Variants in PRKD3 observed in about 807,000 individuals in gnomAD.
PRKD3 encodes the protein protein kinase D3, also known as serine/threonine-protein kinase D3.
PRKD3 carries 47 observed loss-of-function variants against 99.2 expected under a neutral mutation model. The ratio of observed to expected loss-of-function variants is 0.47; its 90% CI spans 0.38 to 0.60. PRKD3 has a LOEUF of 0.60. PRKD3 is among the 20% of genes least tolerant of loss of function. The probability of loss-of-function intolerance (pLI) is 0.00; values close to 1 mark genes in which losing one functional copy is unlikely to be tolerated. For synonymous variants in PRKD3, 392 were observed against 355.4 expected (o/e 1.10, Z -1.16); for missense variants, 1,019 against 1,088.4 (o/e 0.94, Z 0.90).
Position 37,293,261 on chromosome 2 carries a change from C to G in PRKD3, c.299G>C (p.Cys100Ser), listed in dbSNP as rs558859862. The G allele has an allele frequency of 2.0e-4, 318 of 1,595,006 alleles. 3 individuals carry two copies. The South Asian group carries it at 3.4e-3, about 17-fold the overall frequency. Reference sequence around the variant, plus strand: ...TTTGTCATACATGCCAAAGAATCCACACTCTGGAAACTGAGGGATAATAGT... The same window carrying G: ...TTTGTCATACATGCCAAAGAATCCAGACTCTGGAAACTGAGGGATAATAGT... ...CSIVYQKFPE[C>S]GFFGMYDKIL... Residue 100 changes from cysteine (C) to serine (S), a missense_variant, in exon 3 of 19, where the codon TGT (cysteine) becomes TCT (serine). Transcript: ENST00000234179.
chr2:37,279,979 C>A, intron 7 of PRKD3, 50 bp from the exon 8 acceptor site: 1 of 1,293,114 alleles, frequency 7.7e-7, no homozygotes, highest in Non-Finnish European at 1.1e-6. Flanking sequence ...TAGAGGAAGT[C>A]CATTAAATGT....
chr2:37,258,588 CTT>C (rs1187891612), intron 16 of PRKD3, among the ~76,000 whole-genome samples: 7 of 152,272 alleles, frequency 4.6e-5, no homozygotes, highest in African/African-American at 1.7e-4. Flanking sequence ...GAGTGTGCAT[CTT>C]TTGTCTACTA....
intron 2 of PRKD3, among the ~76,000 whole-genome samples, chr2:37,308,003 T>C (rs1198105739): frequency 6.6e-6 from 1 of 152,246 alleles, no homozygotes; most frequent in Non-Finnish European, 1.5e-5. Context: ...TCCCCCATAC[T>C]GCGAACGCCA....
At chr2:37,259,757 A>G in intron 15 of PRKD3, 76 bp from the exon 16 acceptor site, 1 of 1,044,536 alleles carries the variant, frequency 9.6e-7, no homozygotes, top group South Asian at 1.4e-5. Flanking sequence ...TGAATGATTT[A>G]ATTTGAAAAC....
intron 12 of PRKD3, among the ~76,000 whole-genome samples, chr2:37,271,038 A>G (rs920037983): frequency 2.0e-5 from 3 of 152,222 alleles, no homozygotes; most frequent in Admixed American, 6.5e-5. Context: ...AGACTCATAG[A>G]TTATATCTCT....
chr2:37,300,208 A>G (rs993718802), intron 2 of PRKD3, among the ~76,000 whole-genome samples: 1 of 152,238 alleles, frequency 6.6e-6, no homozygotes, highest in African/African-American at 2.4e-5. Flanking sequence ...ATGAAATCCT[A>G]TAATTTGCAA....
rs1035883830 is a variant in PRKD3 at position 37,287,266 on chromosome 2, A to G, written c.718-897T>C. 1.4e-4 allele frequency among the ~76,000 whole-genome samples: 18 copies of G among 125,022 alleles called. 1 individual carries two copies. Among genetic ancestry groups the G allele is most frequent in the African/African-American group, 6.1e-4 (17 of 27,648 alleles). The allele number at this position is 125,022 out of a possible 152,430, so 82.0% of individuals were successfully genotyped here. A position where few individuals can be genotyped will look rare whatever the true frequency, so the allele number is the denominator to read the frequency against. ...AAAAAAAAAAAAAAAAAAAAAAAAA[A>G]AGAAAAAGAAAAAGAAAAAGAAAAA... On this transcript the variant is annotated intron_variant, in intron 5 of 18. Transcript: ENST00000234179.
At chr2:37,299,154 CTGAA>C (rs1176077035) in intron 2 of PRKD3, among the ~76,000 whole-genome samples, 1 of 152,036 alleles carries the variant, frequency 6.6e-6, no homozygotes, top group Non-Finnish European at 1.5e-5. Context: ...TTGAATTTTA[CTGAA>C]TGTTTTTTTG....
intron 2 of PRKD3, among the ~76,000 whole-genome samples, chr2:37,304,544 C>T (rs1671074340): frequency 6.6e-6 from 1 of 151,968 alleles, no homozygotes; most frequent in South Asian, 2.1e-4. Flanking sequence ...AGTTTGAGAC[C>T]AGCCTGGCCA....
At chr2:37,311,116 G>C (rs139073738) in intron 2 of PRKD3, among the ~76,000 whole-genome samples, 25 of 152,294 alleles carry the variant, frequency 1.6e-4, no homozygotes, top group African/African-American at 5.8e-4. Context: ...AGACTAGTGA[G>C]GATGTTAAAG....
At chr2:37,262,406 G>C (rs924114024) in intron 14 of PRKD3, among the ~76,000 whole-genome samples, 1 of 152,122 alleles carries the variant, frequency 6.6e-6, no homozygotes, top group Non-Finnish European at 1.5e-5. Context: ...ATCATAGTAG[G>C]TGTTTTCAAA....
At chr2:37,307,707 G>A (rs6733861) in intron 2 of PRKD3, among the ~76,000 whole-genome samples, 6,785 of 152,190 alleles carry the variant, frequency 0.045, 165 homozygotes, top group African/African-American at 0.051. Context: ...AGGAAGCTAA[G>A]TTTTGGCTTA....
At chr2:37,262,862 T>C (rs1345377838) in intron 14 of PRKD3, among the ~76,000 whole-genome samples, 1 of 152,102 alleles carries the variant, frequency 6.6e-6, no homozygotes, top group Non-Finnish European at 1.5e-5. Flanking sequence ...CAAATTTATC[T>C]GATAGAGATG....
In PRKD3 at chr2:37,313,854, C is replaced by T. The variant is rs192867210; in HGVS notation, c.288+2383G>A. On this transcript the variant is annotated intron_variant, in intron 2 of 18. Coordinates refer to ENST00000234179, the MANE Select transcript of PRKD3 (RefSeq NM_005813.6). ...TGAAAATATCATATATCAGAACACACCTTCAACTTAATATTTTCAACTTGC... is the reference window on the plus strand; with the variant it reads ...TGAAAATATCATATATCAGAACACATCTTCAACTTAATATTTTCAACTTGC... Among the ~76,000 whole-genome samples the T allele has an allele frequency of 1.4e-3, 218 of 152,252 alleles. 1 individual carries two copies. The highest frequency in any genetic ancestry group is 4.9e-3 in the African/African-American group (203 of 41,572).
chr2:37,297,224 T>C (rs867565565), intron 2 of PRKD3, among the ~76,000 whole-genome samples: 1 of 152,190 alleles, frequency 6.6e-6, no homozygotes, highest in Non-Finnish European at 1.5e-5. Flanking sequence ...TAGGCTATCA[T>C]TTCAGGTTTA....
intron 8 of PRKD3, chr2:37,278,967 T>C (rs1225787112): frequency 6.6e-6 from 1 of 150,970 alleles, no homozygotes; most frequent in East Asian, 1.9e-4. Flanking sequence ...AAAAACCAAC[T>C]AGCTGGGTTC....
chr2:37,308,788 G>A (rs1406342750), intron 2 of PRKD3, among the ~76,000 whole-genome samples: 1 of 151,736 alleles, frequency 6.6e-6, no homozygotes, highest in African/African-American at 2.4e-5. Context: ...CTATGTTAAT[G>A]TTCCTTCAAC....
intron 2 of PRKD3, among the ~76,000 whole-genome samples, chr2:37,305,548 G>A (rs1671124090): frequency 6.6e-6 from 1 of 152,188 alleles, no homozygotes. Context: ...AAGTGCTATT[G>A]AGTGCAGTCA....
At chr2:37,313,767 T>C (rs1160905715) in intron 2 of PRKD3, among the ~76,000 whole-genome samples, 1 of 152,198 alleles carries the variant, frequency 6.6e-6, no homozygotes, top group Non-Finnish European at 1.5e-5. Context: ...TTTACAATAG[T>C]GCAAAAGGGA....
Sources: gnomAD v4.1 joint callset for allele counts (sites outside exome capture counted in the v4.1 genomes callset) on GRCh38, gnomAD v4.1.1 for gene constraint, MANE v1.5 for transcripts, NCBI Gene and HGNC (gene_info 2026-07-23, HGNC 2026-07-21) for gene names.